The following SHISA2 variants were observed in gnomAD, a reference collection of about 807,000 sequenced individuals.
The protein encoded by SHISA2 is protein shisa-2 homolog.
Under a neutral mutation model 23.8 loss-of-function variants are expected in SHISA2, and 16 were observed. The ratio of observed to expected loss-of-function variants is 0.67; its 90% CI spans 0.46 to 1.02. The LOEUF (loss-of-function observed/expected upper bound fraction) is 1.02, where lower values mean the gene tolerates loss of function less well. Ranked by LOEUF, SHISA2 falls within the 50% of genes least tolerant of loss-of-function variation. The pLI is 0.00. For synonymous variants in SHISA2, 201 were observed against 178.6 expected (o/e 1.13, Z -1.00); for missense variants, 459 against 420.1 (o/e 1.09, Z -0.81).
Position 26,046,938 on chromosome 13 carries a change from G to C in SHISA2, c.463C>G (p.Pro155Ala). ...GTCTCCATCAAGCGGTTACCCCCTG[G>C]GGCTCGGCTCTGCTGGGGATCCTGC... is the stretch of plus-strand genomic sequence containing the variant. ...PKQDPQQSRAPGGNRLMETIP... is the reference protein window; with the variant it reads ...PKQDPQQSRAAGGNRLMETIP... The change falls in exon 2 of 2, where the codon CCA becomes GCA. Residue 155 changes from proline to alanine, a missense_variant. Physicochemically the swap from Pro to Ala is conservative, Grantham distance 27. Transcript: ENST00000319420. 1 of 1,613,406 alleles carries C rather than the reference G, an allele frequency of 6.2e-7. No homozygotes were observed. Among genetic ancestry groups the C allele is most frequent in the Non-Finnish European group, 8.5e-7 (1 of 1,179,638 alleles).
Position 26,050,874 on chromosome 13 carries a change from G to A in SHISA2, c.102C>T (p.Ser34=). The A allele has an allele frequency of 3.3e-6, 5 of 1,522,316 alleles. No individual in the cohort carries two copies. The highest frequency in any genetic ancestry group is 2.3e-4 in the Middle Eastern group (1 of 4,382). 94.3% of individuals were successfully genotyped at this position (1,522,316 alleles called of 1,614,324 possible). The stretch of plus-strand genomic sequence containing the variant: ...CCAGCCAGCCGTGGCAGTACTCGCC[G>A]CTGGCCCTCGCCCCCGCCGCCAGCA... The part of the protein sequence containing the change: ...AALLAAGARA[S]GEYCHGWLDA... Residue 34 remains serine (S), a synonymous_variant, in exon 1 of 2, where the codon AGC becomes AGT. Transcript: ENST00000319420.
At chr13:26,050,369 G>T (rs545428340) in intron 1 of SHISA2, among the ~76,000 whole-genome samples, 34 of 152,320 alleles carry the variant, frequency 2.2e-4, no homozygotes, top group African/African-American at 8.2e-4. Context: ...TGGTCAGAAG[G>T]AATATGGGGG....
Position 26,051,301 on chromosome 13 carries a change from G to C in SHISA2, c.-326C>G, listed in dbSNP as rs558951378. On this transcript the variant is annotated 5_prime_UTR_variant, in exon 1 of 2. Transcript: ENST00000319420. ...GCCTCTGGAGGTTTCACTGGCAACCGGACCCTCCCTGAGCATCCCCGAAGG... is the reference window on the plus strand; with the variant it reads ...GCCTCTGGAGGTTTCACTGGCAACCCGACCCTCCCTGAGCATCCCCGAAGG... 6.6e-6 allele frequency among the ~76,000 whole-genome samples: 1 copy of C among 152,236 alleles called. No individual in the cohort carries two copies. The highest frequency in any genetic ancestry group is 2.4e-5 in the African/African-American group (1 of 41,572).
Position 26,046,881 on chromosome 13 carries a change from G to A in SHISA2, c.520C>T (p.Arg174Trp), listed in dbSNP as rs756581180. 43 of 1,613,526 alleles carry A rather than the reference G, an allele frequency of 2.7e-5. No individual in the cohort carries two copies. The Admixed American group carries it at 4.3e-4, about 16-fold the overall frequency. Reference sequence around the variant, plus strand: ...CTGGACTGGCGTGAGGACGACCCCCGGGAGGTGCTGGCACTGGGGATCATG... The same window carrying A: ...CTGGACTGGCGTGAGGACGACCCCCAGGAGGTGCTGGCACTGGGGATCATG... Reference protein sequence around the residue: ...IPMIPSASTSRGSSSRQSSTA... With the variant: ...IPMIPSASTSWGSSSRQSSTA... The change falls in exon 2 of 2, where the codon CGG (arginine) becomes TGG (tryptophan). Residue 174 changes from arginine (R) to tryptophan (W), a missense_variant. By Grantham distance (101) the Arg-to-Trp change is moderately radical. Transcript: ENST00000319420.
chr13:26,050,691 G>A lies in SHISA2; in HGVS notation c.285C>T (p.Gly95=), dbSNP rs1957296311. The A allele has an allele frequency of 6.8e-7, 1 of 1,470,084 alleles. No individual in the cohort carries two copies. Among genetic ancestry groups the A allele is most frequent in the Non-Finnish European group, 8.9e-7 (1 of 1,118,420 alleles). The allele number at this position is 1,470,084 out of a possible 1,614,324, so 91.1% of individuals were successfully genotyped here. The change falls in exon 1 of 2, where the codon GGC becomes GGT. Residue 95 remains glycine (G), a synonymous_variant. Coordinates refer to ENST00000319420, the MANE Select transcript of SHISA2 (RefSeq NM_001007538.2). ...TGTCCGCCCGGCCAGGCTCGCCAGC[G>A]CCCTGCTGGCGGTCATTGTCGCAGC... ...QGGCDNDRQQ[G]AGEPGRADKD...
At chr13:26,048,475 C>G (rs1296248520) in intron 1 of SHISA2, among the ~76,000 whole-genome samples, 1 of 152,050 alleles carries the variant, frequency 6.6e-6, no homozygotes, top group Non-Finnish European at 1.5e-5. Flanking sequence ...CCTATGTTAC[C>G]AAGAGCCTGC....
At position 26,046,672 on chromosome 13, in the gene SHISA2, C is replaced by G. The variant is rs781508738; in HGVS notation, c.729G>C (p.Leu243=). 1.2e-6 allele frequency: 2 copies of G among 1,614,222 alleles called. No individual in the cohort carries two copies. The highest frequency in any genetic ancestry group is 3.3e-5 in the Admixed American group (2 of 60,026). The change falls in exon 2 of 2, where the codon CTG becomes CTC. Residue 243 remains leucine, a synonymous_variant. Coordinates refer to ENST00000319420, the MANE Select transcript of SHISA2 (RefSeq NM_001007538.2). ...CCGTGTACCCCACGTATGGGGGATG[C>G]AGATACTGCCCTTGATGTGGCACAA... ...TQIVPHQGQY[L]HPPYVGYTVQ...
Position 26,045,322 on chromosome 13 carries a change from A to G in SHISA2, c.*1191T>C, listed in dbSNP as rs1339769791. On this transcript the variant is annotated 3_prime_UTR_variant, in exon 2 of 2. Coordinates refer to ENST00000319420, the MANE Select transcript of SHISA2 (RefSeq NM_001007538.2). ...GAAGGAAACGCCAAACCATAACCAC[A>G]AGGCAAAATTAAAAGTAACTCAGAG... 6.6e-6 allele frequency: 1 copy of G among 152,212 alleles called. No individual in the cohort carries two copies. The highest frequency in any genetic ancestry group is 1.5e-5 in the Non-Finnish European group (1 of 68,032). The allele number at this position is 152,212 out of a possible 1,614,324, so 9.4% of individuals were successfully genotyped here.
At position 26,046,371 on chromosome 13, in the gene SHISA2, TG is replaced by T. The variant is rs1317674878; in HGVS notation, c.*141del. The T allele has an allele frequency of 1.0e-5, 8 of 803,282 alleles. No homozygotes were observed. The African/African-American group carries it at 1.0e-4, about 10-fold the overall frequency. 49.8% of individuals were successfully genotyped at this position (803,282 alleles called of 1,614,324 possible). ...ATATCCAGAAATGCTAATTCGGAGA[TG>T]TTTTCATACAGTCTGGGGGCAAATG... On this transcript the variant is annotated 3_prime_UTR_variant, in exon 2 of 2. Transcript: ENST00000319420.
chr13:26,046,668 G>A lies in SHISA2; in HGVS notation c.733C>T (p.Pro245Ser), dbSNP rs148336864. 6.2e-6 allele frequency: 10 copies of A among 1,614,226 alleles called. No individual in the cohort carries two copies. Among genetic ancestry groups the A allele is most frequent in the Middle Eastern group, 1.6e-4 (1 of 6,062 alleles). The change falls in exon 2 of 2, where the codon CCC (proline) becomes TCC (serine). Residue 245 changes from proline to serine, a missense_variant. Coordinates refer to ENST00000319420, the MANE Select transcript of SHISA2 (RefSeq NM_001007538.2). ...TGCACCGTGTACCCCACGTATGGGG[G>A]ATGCAGATACTGCCCTTGATGTGGC... is the stretch of plus-strand genomic sequence containing the variant. Reference protein sequence around the residue: ...IVPHQGQYLHPPYVGYTVQHD... With the variant: ...IVPHQGQYLHSPYVGYTVQHD...
rs1264548795 is a variant in SHISA2, at chr13:26,045,795, G to T, written c.*718C>A. ...CTTGGATGCATTAGAAAAAAAAAAA[G>T]GCTCAGGCTGGGGGCGGTGGCTCAC... is the stretch of plus-strand genomic sequence containing the variant. On this transcript the variant is annotated 3_prime_UTR_variant, in exon 2 of 2. Transcript: ENST00000319420. The T allele has an allele frequency of 6.7e-6, 1 of 148,454 alleles. No individual in the cohort carries two copies. Among genetic ancestry groups the T allele is most frequent in the African/African-American group, 2.5e-5 (1 of 40,208 alleles). The allele number at this position is 148,454 out of a possible 1,614,324, so 9.2% of individuals were successfully genotyped here.
rs1478235939 is a variant in SHISA2 at position 26,050,786 on chromosome 13, T to C, written c.190A>G (p.Thr64Ala). The part of the protein sequence containing the change: ...CPERFDGGDA[T>A]ICCGSCALRY... ...AACGCGCAGCTGCCGCAGCAGATGG[T>C]GGCGTCGCCGCCGTCGAAGCGCTCG... The change falls in exon 1 of 2, where the codon ACC becomes GCC. Residue 64 changes from threonine to alanine, a missense_variant. Transcript: ENST00000319420. 6.6e-7 allele frequency: 1 copy of C among 1,524,670 alleles called. No homozygotes were observed. The highest frequency in any genetic ancestry group is 8.7e-7 in the Non-Finnish European group (1 of 1,146,316). 94.4% of individuals were successfully genotyped at this position (1,524,670 alleles called of 1,614,324 possible).
rs1957298921 is a variant in SHISA2 at position 26,050,917 on chromosome 13, T to C, written c.59A>G (p.Gln20Arg). The change falls in exon 1 of 2, where the codon CAG becomes CGG. Residue 20 changes from glutamine (Q) to arginine (R), a missense_variant. By Grantham distance (43) the Gln-to-Arg change is conservative (BLOSUM62 1). Coordinates refer to ENST00000319420, the MANE Select transcript of SHISA2 (RefSeq NM_001007538.2). ...SSSWNAASLL[Q>R]LLLAALLAAG... ...CGCCAGCAGCGCAGCCAGCAGCAGCTGCAGGAGCGAAGCGGCGTTCCAGGA... is the reference window on the plus strand; with the variant it reads ...CGCCAGCAGCGCAGCCAGCAGCAGCCGCAGGAGCGAAGCGGCGTTCCAGGA... The C allele has an allele frequency of 6.6e-7, 1 of 1,520,068 alleles. No homozygotes were observed. The highest frequency in any genetic ancestry group is 8.8e-7 in the Non-Finnish European group (1 of 1,141,270). The allele number at this position is 1,520,068 out of a possible 1,614,324, so 94.2% of individuals were successfully genotyped here. A position where few individuals can be genotyped will look rare whatever the true frequency, so the allele number is the denominator to read the frequency against.
chr13:26,048,398 T>C (rs1190461507), intron 1 of SHISA2, among the ~76,000 whole-genome samples: 1 of 152,156 alleles, frequency 6.6e-6, no homozygotes, highest in Non-Finnish European at 1.5e-5. Context: ...AGACGCAGGT[T>C]GACAGGGACA....
chr13:26,046,573 A>G lies in SHISA2; in HGVS notation c.828T>C (p.Ile276=), dbSNP rs754735187. The G allele has an allele frequency of 6.2e-7, 1 of 1,614,014 alleles. No homozygotes were observed. The highest frequency in any genetic ancestry group is 8.5e-7 in the Non-Finnish European group (1 of 1,179,978). The change falls in exon 2 of 2, where the codon ATT becomes ATC. Residue 276 remains isoleucine (I), a synonymous_variant. Transcript: ENST00000319420. ...MDGLQPGYRQ[I]QSPFPHTNSE... ...TGTTGGTGTGAGGGAAGGGGGACTG[A>G]ATCTGCCTGTAGCCAGGCTGCAGGC...
chr13:26,051,590 CG>C lies in SHISA2; in HGVS notation c.-616del, dbSNP rs1566375267. ...CCGGCCGGGCCGCCCGGGCAGCCCACGGGGGTGCAGCCCCGACGCTCCACTC... is the reference window on the plus strand; with the variant it reads ...CCGGCCGGGCCGCCCGGGCAGCCCACGGGGTGCAGCCCCGACGCTCCACTC... On this transcript the variant is annotated 5_prime_UTR_variant, in exon 1 of 2. Transcript: ENST00000319420. Among the ~76,000 whole-genome samples, 3 of 151,754 alleles carry C rather than the reference CG, an allele frequency of 2.0e-5. No individual in the cohort carries two copies.
rs777505197 is a variant in SHISA2 at position 26,047,063 on chromosome 13, G to A, written c.338C>T (p.Pro113Leu). 2.9e-5 allele frequency: 44 copies of A among 1,537,280 alleles called. No individual in the cohort carries two copies. Among genetic ancestry groups the A allele is most frequent in the Non-Finnish European group, 3.8e-5 (43 of 1,141,656 alleles). The change falls in exon 2 of 2, where the codon CCC (proline) becomes CTC (leucine). Residue 113 changes from proline (P) to leucine (L), a missense_variant. By Grantham distance (98) the Pro-to-Leu change is moderately conservative. Transcript: ENST00000319420. ...DKDGPDGSAV[P>L]IYVPFLIVGS... is the part of the protein sequence containing the mutation. ...AACAATGAGGAACGGCACGTAGATG[G>A]GCACTGAAGCAAAGGACAGAAACAC...
At chr13:26,050,583 C>G in intron 1 of SHISA2, 59 bp downstream of exon 1, 1 of 1,362,552 alleles carries the variant, frequency 7.3e-7, no homozygotes, top group Non-Finnish European at 9.4e-7. Flanking sequence ...CTCCCAGGTC[C>G]CTGACGTCCA....
chr13:26,049,825 C>A, intron 1 of SHISA2, among the ~76,000 whole-genome samples: 1 of 148,570 alleles, frequency 6.7e-6, no homozygotes, highest in Non-Finnish European at 1.5e-5. Context: ...GACACGTTTG[C>A]CATTTTACCT....
Sources: gnomAD v4.1 joint callset for allele counts (sites outside exome capture counted in the v4.1 genomes callset) on GRCh38, gnomAD v4.1.1 for gene constraint, MANE v1.5 for transcripts, NCBI Gene and HGNC (gene_info 2026-07-23, HGNC 2026-07-21) for gene names.